AP2B1: variants seen among roughly 807,000 people sequenced by gnomAD.
The protein encoded by AP2B1 is AP-2 complex subunit beta.
In AP2B1, 23 loss-of-function variants were observed where a neutral mutation model predicts 102.0. That is an observed-to-expected ratio of 0.23 (90% CI 0.16 to 0.32). The LOEUF is 0.32. Ranked by LOEUF, AP2B1 falls within the 10% of genes least tolerant of loss-of-function variation. The probability of loss-of-function intolerance (pLI) is 1.00; values close to 1 mark genes in which losing one functional copy is unlikely to be tolerated. For synonymous variants in AP2B1, 381 were observed against 421.2 expected, an observed-to-expected ratio of 0.90 and a Z score of 1.17; for missense variants, 541 against 1,157.4, an observed-to-expected ratio of 0.47 and a Z score of 7.73.
chr17:35,677,439 A>G (rs2075725699), intron 17 of AP2B1, among the ~76,000 whole-genome samples: 1 of 152,102 alleles, frequency 6.6e-6, no homozygotes, highest in Non-Finnish European at 1.5e-5. Context: ...TTGTTCCTAC[A>G]TTTAGTTTTA....
chr17:35,589,031 T>C (rs1223555209), intron 1 of AP2B1, among the ~76,000 whole-genome samples: 2 of 152,222 alleles, frequency 1.3e-5, no homozygotes, highest in Non-Finnish European at 2.9e-5. Flanking sequence ...AGCCTTAGGT[T>C]TTCCAGAGTT....
At chr17:35,662,109 T>C (rs774427182) in intron 14 of AP2B1, among the ~76,000 whole-genome samples, 10 of 152,152 alleles carry the variant, frequency 6.6e-5, no homozygotes, top group Non-Finnish European at 1.5e-4. Flanking sequence ...GGGTGGGCCA[T>C]TGCTGTGATA....
chr17:35,602,896 T>C (rs957336861), intron 3 of AP2B1, among the ~76,000 whole-genome samples: 1 of 152,254 alleles, frequency 6.6e-6, no homozygotes, highest in Non-Finnish European at 1.5e-5. Flanking sequence ...GAATTTATTA[T>C]TGGTTAATGT....
chr17:35,661,668 C>A (rs1293157041), intron 14 of AP2B1, among the ~76,000 whole-genome samples: 1 of 152,150 alleles, frequency 6.6e-6, no homozygotes, highest in Non-Finnish European at 1.5e-5. Context: ...TAATTGGAGA[C>A]CGAAAATTGA....
At chr17:35,597,372 A>G (rs1273878945) in intron 2 of AP2B1, among the ~76,000 whole-genome samples, 1 of 152,116 alleles carries the variant, frequency 6.6e-6, no homozygotes, top group Non-Finnish European at 1.5e-5. Context: ...TCTTGCAGAT[A>G]GGTGAGCCTG....
chr17:35,646,350 C>T (rs1324462182), intron 12 of AP2B1, among the ~76,000 whole-genome samples: 1 of 152,054 alleles, frequency 6.6e-6, no homozygotes, highest in Non-Finnish European at 1.5e-5. Flanking sequence ...GACTGGCTTA[C>T]AGTAGGCCTA....
intron 2 of AP2B1, among the ~76,000 whole-genome samples, chr17:35,595,495 C>G (rs1450879713): frequency 6.6e-6 from 1 of 151,990 alleles, no homozygotes; most frequent in Non-Finnish European, 1.5e-5. Context: ...TGCAGTGAGT[C>G]GTGATTGTGC....
chr17:35,707,215 A>G (rs2076359251), intron 18 of AP2B1, among the ~76,000 whole-genome samples: 1 of 151,112 alleles, frequency 6.6e-6, no homozygotes, highest in Admixed American at 6.6e-5. Flanking sequence ...GTGCAGTGAC[A>G]CGATTTCGGC....
At chr17:35,633,332 C>T (rs1030428098) in intron 9 of AP2B1, among the ~76,000 whole-genome samples, 6 of 146,538 alleles carry the variant, frequency 4.1e-5, no homozygotes, top group African/African-American at 1.5e-4. Context: ...TGCACTCAGC[C>T]TGGTCACAGA....
intron 9 of AP2B1, among the ~76,000 whole-genome samples, chr17:35,629,387 C>G (rs2074402243): frequency 1.3e-5 from 2 of 152,056 alleles, no homozygotes; most frequent in Non-Finnish European, 2.9e-5. Flanking sequence ...AGTCCTCTGT[C>G]TTCTTGTTTT....
At chr17:35,693,560 A>G (rs917270520) in intron 18 of AP2B1, among the ~76,000 whole-genome samples, 1 of 152,138 alleles carries the variant, frequency 6.6e-6, no homozygotes, top group Admixed American at 6.5e-5. Context: ...TTCTAATTTT[A>G]GAAGAAAATC....
intron 18 of AP2B1, among the ~76,000 whole-genome samples, chr17:35,699,845 C>A (rs1466009814): frequency 6.6e-6 from 1 of 152,032 alleles, no homozygotes; most frequent in African/African-American, 2.4e-5. Context: ...GTGGGAGGAT[C>A]GCTTGGGGTC....
rs1038376104 is a variant in AP2B1 at position 35,725,242 on chromosome 17, T to G, written c.*1543T>G. 4 of 152,220 alleles carry G rather than the reference T, an allele frequency of 2.6e-5. No homozygotes were observed. Among genetic ancestry groups the G allele is most frequent in the African/African-American group, 9.7e-5 (4 of 41,450 alleles). 9.4% of individuals were successfully genotyped at this position (152,220 alleles called of 1,614,324 possible). On this transcript the variant is annotated 3_prime_UTR_variant, in exon 22 of 22. Coordinates refer to ENST00000610402, the MANE Select transcript of AP2B1 (RefSeq NM_001030006.2). ...CAGCCTGTTTAGCAGTGTTACACTG[T>G]TTGATCTGCGGGCACTTGTTGCATT... is the stretch of plus-strand genomic sequence containing the variant.
At chr17:35,607,170 G>A (rs1199352665) in intron 4 of AP2B1, among the ~76,000 whole-genome samples, 1 of 152,108 alleles carries the variant, frequency 6.6e-6, no homozygotes, top group Admixed American at 6.5e-5. Context: ...CTCTCAAAGT[G>A]CTGGGATTAC....
At chr17:35,628,646 T>C (rs997124269) in intron 9 of AP2B1, among the ~76,000 whole-genome samples, 2 of 152,196 alleles carry the variant, frequency 1.3e-5, no homozygotes, top group African/African-American at 4.8e-5. Context: ...AATATTCTTA[T>C]GCTATTATTT....
At chr17:35,615,974 C>T (rs894334890) in intron 5 of AP2B1, among the ~76,000 whole-genome samples, 5 of 152,054 alleles carry the variant, frequency 3.3e-5, no homozygotes, top group Admixed American at 3.3e-4. Context: ...CTTGAATTTC[C>T]CACCAGTTGG....
At chr17:35,594,415 CATTTT>C (rs1216093666) in intron 2 of AP2B1, among the ~76,000 whole-genome samples, 1 of 152,138 alleles carries the variant, frequency 6.6e-6, no homozygotes, top group Non-Finnish European at 1.5e-5. Flanking sequence ...TGGAAATAAA[CATTTT>C]ATAACAAAGA....
intron 5 of AP2B1, among the ~76,000 whole-genome samples, chr17:35,613,369 G>A (rs1461497105): frequency 1.3e-5 from 2 of 151,956 alleles, no homozygotes; most frequent in South Asian, 4.2e-4. Flanking sequence ...GTGACACTGT[G>A]CCTTGCTGCA....
intron 9 of AP2B1, among the ~76,000 whole-genome samples, chr17:35,633,357 CAAA>C (rs11463249): frequency 1.5e-5 from 2 of 129,220 alleles, no homozygotes; most frequent in African/African-American, 2.9e-5. Context: ...GACTGTGTCT[CAAA>C]AAAAAAAAAA....
Sources: gnomAD v4.1 joint callset for allele counts (sites outside exome capture counted in the v4.1 genomes callset) on GRCh38, gnomAD v4.1.1 for gene constraint, MANE v1.5 for transcripts, NCBI Gene and HGNC (gene_info 2026-07-23, HGNC 2026-07-21) for gene names.